BTRC: variants seen among roughly 807,000 people sequenced by gnomAD.
The protein encoded by BTRC is F-box/WD repeat-containing protein 1A.
BTRC carries 42 observed loss-of-function variants against 85.5 expected under a neutral mutation model. That is an observed-to-expected ratio of 0.49 (90% CI 0.38 to 0.64). The LOEUF (loss-of-function observed/expected upper bound fraction) is 0.64, where lower values mean the gene tolerates loss of function less well. Among genes scored for constraint, BTRC ranks in the 30% least tolerant of loss-of-function variants. BTRC has a pLI of 0.00. For missense variants in BTRC, 594 were observed against 743.5 expected (o/e 0.80, Z 2.34); for synonymous variants, 255 against 263.3 (o/e 0.97, Z 0.30).
At chr10:101,513,583 A>G (rs550912958) in intron 4 of BTRC, among the ~76,000 whole-genome samples, 50 of 152,170 alleles carry the variant, frequency 3.3e-4, no homozygotes, top group Non-Finnish European at 5.3e-4. Context: ...TTTGAGGTTC[A>G]TCTTTACCAT....
chr10:101,471,277 C>CT (rs1240001987), intron 3 of BTRC, among the ~76,000 whole-genome samples: 2 of 152,142 alleles, frequency 1.3e-5, no homozygotes, highest in Non-Finnish European at 2.9e-5. Flanking sequence ...AATCCCAACA[C>CT]TTTGGGAGGC....
chr10:101,501,516 T>C (rs1946400795), intron 4 of BTRC, among the ~76,000 whole-genome samples: 1 of 152,204 alleles, frequency 6.6e-6, no homozygotes, highest in South Asian at 2.1e-4. Context: ...ATGTCAACTA[T>C]AAGAAAACTT....
At chr10:101,367,029 TATTTATATATATAA>T in intron 1 of BTRC, among the ~76,000 whole-genome samples, 1 of 62,990 alleles carries the variant, frequency 1.6e-5, no homozygotes, top group Admixed American at 2.9e-4. Context: ...TATATTTATA[TATTTATATATATAA>T]ATATATATAT....
At position 101,551,008 on chromosome 10, in the gene BTRC, C is replaced by T. The variant is rs1024383885; in HGVS notation, c.*31+117C>T. 1.8e-5 allele frequency: 17 copies of T among 934,126 alleles called. No homozygotes were observed. The Admixed American group carries it at 2.8e-4, about 15-fold the overall frequency. 57.9% of individuals were successfully genotyped at this position (934,126 alleles called of 1,614,324 possible). ...TTTGGGTCACCAACTCCTGTAAAGC[C>T]GAGGAAGCAGACAATGTGAGACAGG... On this transcript the variant is annotated intron_variant, in intron 14 of 14. Coordinates refer to ENST00000370187, the MANE Select transcript of BTRC (RefSeq NM_033637.4).
rs1321865169 is a variant in BTRC at position 101,366,781 on chromosome 10, TATATA to T, written c.48+12554_48+12558del. Reference sequence around the variant, plus strand: ...CTTAATCTAGTTATATATATATATATATATATATTTTTACATTTATATATATATTT... The same window carrying T: ...CTTAATCTAGTTATATATATATATATTATTTTTACATTTATATATATATTT... On this transcript the variant is annotated intron_variant, in intron 1 of 14. Transcript: ENST00000370187. 1.6e-3 allele frequency among the ~76,000 whole-genome samples: 163 copies of T among 104,152 alleles called. 1 individual carries two copies. Among genetic ancestry groups the T allele is most frequent in the Non-Finnish European group, 2.3e-3 (123 of 53,430 alleles). 68.3% of individuals were successfully genotyped at this position (104,152 alleles called of 152,430 possible).
In BTRC at chr10:101,515,466, A is replaced by G. The variant is rs565761033; in HGVS notation, c.325-6173A>G. ...TTTAAGTCTTTTTAAAATTTCCCTC[A>G]GCAATGTTTTATAGTTTTCAATTTA... On this transcript the variant is annotated intron_variant, in intron 4 of 14. Transcript: ENST00000370187. 7.0e-4 allele frequency among the ~76,000 whole-genome samples: 107 copies of G among 152,068 alleles called. 1 individual carries two copies. The highest frequency in any genetic ancestry group is 2.5e-3 in the African/African-American group (104 of 41,480).
At chr10:101,505,030 C>G (rs958362849) in intron 4 of BTRC, among the ~76,000 whole-genome samples, 1 of 141,898 alleles carries the variant, frequency 7.0e-6, no homozygotes, top group Non-Finnish European at 1.5e-5. Flanking sequence ...CAACTTCTGC[C>G]TCCCGTGTTC....
intron 1 of BTRC, among the ~76,000 whole-genome samples, chr10:101,387,592 T>C (rs1487633696): frequency 7.0e-6 from 1 of 141,866 alleles, no homozygotes; most frequent in East Asian, 2.3e-4. Flanking sequence ...AATGGTGCGA[T>C]CTTGGCTCAC....
At chr10:101,389,117 G>GTTTTT (rs1169198314) in intron 1 of BTRC, among the ~76,000 whole-genome samples, 15 of 53,048 alleles carry the variant, frequency 2.8e-4, no homozygotes, top group Middle Eastern at 0.015. Flanking sequence ...TTTTTTGTGT[G>GTTTTT]TGTTTTTTTT....
intron 1 of BTRC, among the ~76,000 whole-genome samples, chr10:101,393,533 A>G (rs1943289787): frequency 2.0e-5 from 3 of 152,212 alleles, no homozygotes; most frequent in Admixed American, 2.0e-4. Context: ...ACATACAGGG[A>G]CACATAATTC....
chr10:101,518,275 C>T (rs2062052585), intron 4 of BTRC, among the ~76,000 whole-genome samples: 1 of 152,144 alleles, frequency 6.6e-6, no homozygotes, highest in Admixed American at 6.5e-5. Flanking sequence ...GACCACATAG[C>T]AGTGGTCCTT....
chr10:101,551,517 G>A (rs1024079685), intron 14 of BTRC, among the ~76,000 whole-genome samples: 8 of 152,142 alleles, frequency 5.3e-5, no homozygotes, highest in Middle Eastern at 3.2e-3. Context: ...ATACCCAGGT[G>A]GTCCATACAT....
At chr10:101,522,380 A>C (rs577132752) in intron 5 of BTRC, among the ~76,000 whole-genome samples, 4 of 135,250 alleles carry the variant, frequency 3.0e-5, no homozygotes, top group South Asian at 2.3e-4. Context: ...AAAAAAACAA[A>C]AAAAAAAAAA....
intron 2 of BTRC, among the ~76,000 whole-genome samples, chr10:101,441,879 CAAAAAA>C (rs35543012): frequency 2.6e-3 from 225 of 85,714 alleles, no homozygotes; most frequent in Non-Finnish European, 4.3e-3. Flanking sequence ...GAGACTGTCT[CAAAAAA>C]AAAAAAAAAA....
At chr10:101,453,079 C>T (rs533753994) in intron 2 of BTRC, among the ~76,000 whole-genome samples, 1 of 151,980 alleles carries the variant, frequency 6.6e-6, no homozygotes, top group South Asian at 2.1e-4. Context: ...TATCTGTTAA[C>T]CTTGTAAAAT....
intron 4 of BTRC, among the ~76,000 whole-genome samples, chr10:101,505,647 TAAAA>T (rs954112337): frequency 6.7e-6 from 1 of 149,888 alleles, no homozygotes; most frequent in Non-Finnish European, 1.5e-5. Context: ...AAAATAATAA[TAAAA>T]AAACAAATAT....
chr10:101,390,214 A>G (rs1207810172), intron 1 of BTRC, among the ~76,000 whole-genome samples: 3 of 152,158 alleles, frequency 2.0e-5, no homozygotes, highest in South Asian at 4.1e-4. Flanking sequence ...TTCATTTTGT[A>G]AAATAGAAGC....
At chr10:101,509,476 G>A (rs1354471431) in intron 4 of BTRC, among the ~76,000 whole-genome samples, 4 of 148,344 alleles carry the variant, frequency 2.7e-5, no homozygotes, top group African/African-American at 9.9e-5. Context: ...GGATGGTCTC[G>A]ATCTCCTGAC....
rs565786839 is a variant in BTRC at position 101,521,612 on chromosome 10, T to A, written c.325-27T>A. On this transcript the variant is annotated intron_variant, in intron 4 of 14. Transcript: ENST00000370187. ...CCCTCATTTTCAATACTAATCATTT[T>A]ATGTTTCTTTTAACCCCCTTCTACA... The A allele has an allele frequency of 3.1e-5, 46 of 1,506,362 alleles. No individual in the cohort carries two copies. In the South Asian group the frequency reaches 5.0e-4, roughly 16 times the overall value. 93.3% of individuals were successfully genotyped at this position (1,506,362 alleles called of 1,614,324 possible).
Sources: gnomAD v4.1 joint callset for allele counts (sites outside exome capture counted in the v4.1 genomes callset) on GRCh38, gnomAD v4.1.1 for gene constraint, MANE v1.5 for transcripts, NCBI Gene and HGNC (gene_info 2026-07-23, HGNC 2026-07-21) for gene names.